SLC44A5: variants seen among roughly 807,000 people sequenced by gnomAD.
SLC44A5 encodes the protein choline transporter-like protein 5.
SLC44A5 carries 57 observed loss-of-function variants against 101.8 expected under a neutral mutation model. The ratio of observed to expected loss-of-function variants is 0.56; its 90% CI spans 0.45 to 0.70. The LOEUF (loss-of-function observed/expected upper bound fraction) is 0.70. SLC44A5 is among the 30% of genes least tolerant of loss of function. The probability of loss-of-function intolerance (pLI) is 0.00; values close to 1 mark genes in which losing one functional copy is unlikely to be tolerated. For synonymous variants in SLC44A5, 281 were observed against 290.9 expected (o/e 0.97, Z 0.35); for missense variants, 737 against 853.1 (o/e 0.86, Z 1.70).
At position 75,214,602 on chromosome 1, in the gene SLC44A5, T is replaced by C. The variant is rs1221009955; in HGVS notation, c.1802+3A>G. The C allele has an allele frequency of 2.5e-6, 4 of 1,610,654 alleles. No individual in the cohort carries two copies. The highest frequency in any genetic ancestry group is 3.3e-4 in the Middle Eastern group (2 of 6,044). Reference sequence around the variant, plus strand: ...AATTACATTGTGCAGCCTGATTACTTACTTCAAAACATTTCTCATCAGCAG... The same window carrying C: ...AATTACATTGTGCAGCCTGATTACTCACTTCAAAACATTTCTCATCAGCAG... On this transcript the variant is annotated splice_donor_region_variant and intron_variant, in intron 20 of 23. Coordinates refer to ENST00000370859, the MANE Select transcript of SLC44A5 (RefSeq NM_001130058.2).
In SLC44A5 at chr1:75,506,645, A is replaced by C. The variant is rs1210064835; in HGVS notation, c.13+34790T>G. 2.6e-5 allele frequency among the ~76,000 whole-genome samples: 4 copies of C among 151,922 alleles called. No individual in the cohort carries two copies. The East Asian group carries it at 7.7e-4, about 29-fold the overall frequency. On this transcript the variant is annotated intron_variant, in intron 2 of 23. Transcript: ENST00000370859. Reference sequence around the variant, plus strand: ...TATTCTTGGTTTGACTCTCAGCTTGAATGTTATTGGTGTAGAAATCCTACA... The same window carrying C: ...TATTCTTGGTTTGACTCTCAGCTTGCATGTTATTGGTGTAGAAATCCTACA...
intron 5 of SLC44A5, among the ~76,000 whole-genome samples, chr1:75,297,373 C>T (rs991814478): frequency 2.6e-5 from 4 of 152,164 alleles, no homozygotes; most frequent in Non-Finnish European, 5.9e-5. Flanking sequence ...CAACATCTGC[C>T]TCCCAGGCTC....
intron 2 of SLC44A5, among the ~76,000 whole-genome samples, chr1:75,465,290 C>A (rs1013154853): frequency 6.6e-6 from 1 of 151,916 alleles, no homozygotes; most frequent in African/African-American, 2.4e-5. Context: ...GGATATGGGT[C>A]AATGAAGACA....
chr1:75,605,883 T>C (rs559063878), intron 1 of SLC44A5, among the ~76,000 whole-genome samples: 1 of 152,138 alleles, frequency 6.6e-6, no homozygotes, highest in Non-Finnish European at 1.5e-5. Context: ...GGAAAGATGA[T>C]AGGGCTAGCC....
the SLC44A5 span, among the ~76,000 whole-genome samples, chr1:75,672,859 G>A: frequency 2.6e-5 from 4 of 152,112 alleles, no homozygotes; most frequent in Non-Finnish European, 5.9e-5. Flanking sequence ...GGGCCAGAAG[G>A]AAACTCATTG....
rs186295074 is a variant in SLC44A5, at chr1:75,222,395, G to C, written c.1051C>G (p.Arg351Gly). Residue 351 changes from arginine to glycine, a missense_variant, in exon 14 of 24, where the codon CGA (arginine) becomes GGA (glycine). Physicochemically the swap from Arg to Gly is moderately radical, Grantham distance 125 (BLOSUM62 -2). This residue lies in a region of SLC44A5 where 665 missense variants were observed against 764.4 expected (regional missense o/e 0.87). Coordinates refer to ENST00000370859, the MANE Select transcript of SLC44A5 (RefSeq NM_001130058.2). The part of the protein sequence containing the change: ...LMLIFLRNRI[R>G]VAIILLKEGS... ...TCCTTCAGCAGGATAATGGCGACTC[G>C]GATTCGATTCCTGAGGAAGATCAGC... is the stretch of plus-strand genomic sequence containing the variant. 22 of 1,613,644 alleles carry C rather than the reference G, an allele frequency of 1.4e-5. No individual in the cohort carries two copies. In the African/African-American group the frequency reaches 2.5e-4, roughly 19 times the overall value.
At chr1:75,450,013 A>G (rs1480616556) in intron 2 of SLC44A5, among the ~76,000 whole-genome samples, 1 of 152,154 alleles carries the variant, frequency 6.6e-6, no homozygotes, top group Non-Finnish European at 1.5e-5. Flanking sequence ...AAAAAAAATT[A>G]ATCGCAGGAT....
intron 2 of SLC44A5, among the ~76,000 whole-genome samples, chr1:75,474,996 T>C (rs1175729748): frequency 1.3e-5 from 2 of 152,214 alleles, no homozygotes; most frequent in Non-Finnish European, 2.9e-5. Context: ...AAATGCCAAA[T>C]GGCATAAAGT....
At chr1:75,675,726 C>T in the SLC44A5 span, among the ~76,000 whole-genome samples, 21 of 152,214 alleles carry the variant, frequency 1.4e-4, no homozygotes, top group Middle Eastern at 6.8e-3. Context: ...AACTAAAGAG[C>T]TTCTGCAGAG....
chr1:75,609,593 A>G (rs1675533569), intron 1 of SLC44A5, among the ~76,000 whole-genome samples: 1 of 152,000 alleles, frequency 6.6e-6, no homozygotes, highest in Non-Finnish European at 1.5e-5. Context: ...TTTGGAAAGT[A>G]TCTTCTAAAC....
intron 3 of SLC44A5, among the ~76,000 whole-genome samples, chr1:75,385,093 C>G (rs1280944214): frequency 6.6e-6 from 1 of 152,046 alleles, no homozygotes; most frequent in Non-Finnish European, 1.5e-5. Flanking sequence ...TAAATGCCCA[C>G]AAGAGAAAGC....
the SLC44A5 span, among the ~76,000 whole-genome samples, chr1:75,616,894 T>C: frequency 6.6e-6 from 1 of 152,204 alleles, no homozygotes; most frequent in Non-Finnish European, 1.5e-5. Flanking sequence ...GGAGGTGTGA[T>C]TTCTTGGCCT....
the SLC44A5 span, among the ~76,000 whole-genome samples, chr1:75,688,398 T>C: frequency 6.6e-6 from 1 of 152,234 alleles, no homozygotes; most frequent in Non-Finnish European, 1.5e-5. Flanking sequence ...AGTATACTTT[T>C]TGGACACAGC....
the SLC44A5 span, among the ~76,000 whole-genome samples, chr1:75,695,509 G>A: frequency 6.6e-6 from 1 of 151,910 alleles, no homozygotes; most frequent in Non-Finnish European, 1.5e-5. Context: ...TAGGAATTTA[G>A]CATCTGTTAA....
intron 9 of SLC44A5, 66 bp from the exon 10 acceptor site, chr1:75,238,702 T>A (rs1648350494): frequency 2.1e-5 from 23 of 1,083,954 alleles, no homozygotes; most frequent in Admixed American, 2.9e-5. Context: ...GTCCTCCCTT[T>A]CTTAAGCTTT....
At chr1:75,464,241 A>AAAAAAAG (rs1557812168) in intron 2 of SLC44A5, among the ~76,000 whole-genome samples, 2 of 150,464 alleles carry the variant, frequency 1.3e-5, no homozygotes, top group Non-Finnish European at 1.5e-5. Context: ...AAAAAAAAAA[A>AAAAAAAG]AAGCAAGAAA....
chr1:75,663,227 G>T, the SLC44A5 span, among the ~76,000 whole-genome samples: 2 of 152,094 alleles, frequency 1.3e-5, no homozygotes, highest in Non-Finnish European at 2.9e-5. Context: ...GTGAGAAGAT[G>T]GGCTTTTGGA....
chr1:75,593,091 C>A (rs1674440672), intron 1 of SLC44A5, among the ~76,000 whole-genome samples: 1 of 151,960 alleles, frequency 6.6e-6, no homozygotes, highest in African/African-American at 2.4e-5. Context: ...CAAGCTACCC[C>A]TCTGACAAGG....
intron 4 of SLC44A5, among the ~76,000 whole-genome samples, chr1:75,309,899 G>A (rs1570638889): frequency 6.6e-6 from 1 of 152,150 alleles, no homozygotes; most frequent in East Asian, 1.9e-4. Context: ...TTTGGTTAGA[G>A]CCCAAAGTAG....
Sources: gnomAD v4.1 joint callset for allele counts (sites outside exome capture counted in the v4.1 genomes callset) on GRCh38, gnomAD v4.1.1 for gene constraint, gnomAD v4.1.1 regional missense constraint, MANE v1.5 for transcripts, NCBI Gene and HGNC (gene_info 2026-07-23, HGNC 2026-07-21) for gene names.